Variants in CACNA1C observed in about 807,000 individuals in gnomAD.
CACNA1C encodes calcium voltage-gated channel subunit alpha1 C.
A neutral mutation model predicts 229.0 loss-of-function variants in CACNA1C; 30 were observed. The observed-to-expected ratio is 0.13, with a 90% confidence interval of 0.10 to 0.18. The LOEUF (loss-of-function observed/expected upper bound fraction) is 0.18, where lower values mean the gene tolerates loss of function less well. Among genes scored for constraint, CACNA1C ranks in the 10% least tolerant of loss-of-function variants. The pLI, the probability that CACNA1C is intolerant of heterozygous loss-of-function variation, is 1.00. For synonymous variants in CACNA1C, 1,114 were observed against 1,132.5 expected (o/e 0.98, Z 0.33); for missense variants, 1,658 against 2,845.0 (o/e 0.58, Z 9.49).
chr12:2,557,713 T>C (rs1243557398), intron 11 of CACNA1C, among the ~76,000 whole-genome samples: 1 of 152,196 alleles, frequency 6.6e-6, no homozygotes, highest in Non-Finnish European at 1.5e-5. Context: ...TTCTGCAAAC[T>C]CCAGGGAGAG....
chr12:2,651,461 G>A lies in CACNA1C; in HGVS notation c.3946-179G>A, dbSNP rs982793434. The A allele has an allele frequency of 1.0e-5, 8 of 781,112 alleles. No individual in the cohort carries two copies. Among genetic ancestry groups the A allele is most frequent in the Non-Finnish European group, 1.7e-5 (8 of 468,774 alleles). 48.4% of individuals were successfully genotyped at this position (781,112 alleles called of 1,614,324 possible). A position where few individuals can be genotyped will look rare whatever the true frequency, so the allele number is the denominator to read the frequency against. ...CTAGCTCTGCAGAGACCATGGGGCT[G>A]GGCTGTCCACTCATTAAAGTGGGCG... On this transcript the variant is annotated intron_variant, in intron 31 of 46. Coordinates refer to ENST00000399655, the MANE Select transcript of CACNA1C (RefSeq NM_000719.7). This position sits in a 1 kb window ranked among gnomAD's most constrained non-coding sequence, Gnocchi z 5.4.
intron 1 of CACNA1C, among the ~76,000 whole-genome samples, chr12:1,979,141 T>G (rs1243044558): frequency 6.6e-6 from 1 of 152,036 alleles, no homozygotes; most frequent in Non-Finnish European, 1.5e-5. Flanking sequence ...GGCTCCCAAG[T>G]GGCTGGGATT....
chr12:2,292,426 A>G (rs1198298634), intron 3 of CACNA1C, among the ~76,000 whole-genome samples: 1 of 152,194 alleles, frequency 6.6e-6, no homozygotes, highest in African/African-American at 2.4e-5. Flanking sequence ...AGGTATTTGG[A>G]GAAGGACACA....
At chr12:2,037,457 GC>G (rs1182937290) in intron 1 of CACNA1C, among the ~76,000 whole-genome samples, 1 of 152,148 alleles carries the variant, frequency 6.6e-6, no homozygotes. Context: ...GTATCTTCGG[GC>G]CCCACTTGGT....
chr12:2,240,048 A>G (rs894542088), intron 3 of CACNA1C, among the ~76,000 whole-genome samples: 3 of 152,262 alleles, frequency 2.0e-5, no homozygotes, highest in Non-Finnish European at 4.4e-5. Context: ...AATTGTATCA[A>G]TCAACAGTGA....
intron 30 of CACNA1C, among the ~76,000 whole-genome samples, chr12:2,636,460 G>A (rs879492421): frequency 3.3e-5 from 5 of 152,336 alleles, no homozygotes; most frequent in Admixed American, 6.5e-5. Flanking sequence ...GCCTGAACCC[G>A]TCCAGCAGCT....
At chr12:2,024,568 G>T (rs1406520041) in intron 1 of CACNA1C, among the ~76,000 whole-genome samples, 1 of 152,156 alleles carries the variant, frequency 6.6e-6, no homozygotes, top group Non-Finnish European at 1.5e-5. Context: ...GTCAAAGCCA[G>T]GTTGCACCCA....
chr12:2,674,503 G>A (rs765135975), intron 38 of CACNA1C, 38 bp from the exon 39 acceptor site: 1 of 1,545,690 alleles, frequency 6.5e-7, no homozygotes, highest in South Asian at 1.2e-5. Flanking sequence ...GCCCATCAGA[G>A]GCCCACCAAG....
At chr12:2,186,409 C>T (rs376314334) in intron 3 of CACNA1C, among the ~76,000 whole-genome samples, 26 of 152,266 alleles carry the variant, frequency 1.7e-4, no homozygotes, top group South Asian at 1.7e-3. Context: ...GAAGCGGCTG[C>T]GGGCCATGGG....
chr12:2,192,575 A>G (rs1006701573), intron 3 of CACNA1C, among the ~76,000 whole-genome samples: 2 of 152,236 alleles, frequency 1.3e-5, no homozygotes, highest in African/African-American at 2.4e-5. Flanking sequence ...GGTTTTAAGT[A>G]CTTTTTCCTT....
intron 3 of CACNA1C, among the ~76,000 whole-genome samples, chr12:2,445,297 G>A (rs1214280370): frequency 6.6e-6 from 1 of 152,172 alleles, no homozygotes; most frequent in East Asian, 1.9e-4. Context: ...TGTCCTAATT[G>A]TATTGGAATC....
rs1021123377 is a variant in CACNA1C, at chr12:2,286,595, C to A, written c.478-162381C>A. Among the ~76,000 whole-genome samples, 11 of 152,232 alleles carry A rather than the reference C, an allele frequency of 7.2e-5. No individual in the cohort carries two copies. In the South Asian group the frequency reaches 2.1e-3, roughly 29 times the overall value. On this transcript the variant is annotated intron_variant, in intron 3 of 46. Coordinates refer to ENST00000399655, the MANE Select transcript of CACNA1C (RefSeq NM_000719.7). ...CAGGTCTGTGAGGTTCATTCGGGGG[C>A]TCTTGTTGATCAAGTGTGGATGGTG...
At chr12:2,239,730 A>G (rs2069045817) in intron 3 of CACNA1C, among the ~76,000 whole-genome samples, 1 of 152,144 alleles carries the variant, frequency 6.6e-6, no homozygotes. Context: ...CTCCTGGGCC[A>G]TTTCCACAGA....
intron 3 of CACNA1C, among the ~76,000 whole-genome samples, chr12:2,324,017 T>G (rs2096159574): frequency 6.6e-6 from 1 of 152,214 alleles, no homozygotes; most frequent in Non-Finnish European, 1.5e-5. Context: ...GTTTATCTGG[T>G]GAGTCTGGCT....
chr12:2,345,061 G>A (rs1160463367), intron 3 of CACNA1C, among the ~76,000 whole-genome samples: 1 of 148,926 alleles, frequency 6.7e-6, no homozygotes, highest in African/African-American at 2.5e-5. Flanking sequence ...CTCTGGCCGT[G>A]AGCCCCATGT....
At position 2,651,803 on chromosome 12, in the gene CACNA1C, C is replaced by G; in HGVS notation, c.4074+35C>G. 6.5e-7 allele frequency: 1 copy of G among 1,548,674 alleles called. No homozygotes were observed. Among genetic ancestry groups the G allele is most frequent in the Non-Finnish European group, 8.8e-7 (1 of 1,138,028 alleles). The stretch of plus-strand genomic sequence containing the variant: ...CCTCATGTCCTGCGGCCCGGGGAAT[C>G]GCAGGGCTGCCGCGTGGCCCAGAAC... On this transcript the variant is annotated intron_variant, in intron 32 of 46. Coordinates refer to ENST00000399655, the MANE Select transcript of CACNA1C (RefSeq NM_000719.7). The surrounding 1 kb of genome is among the most constrained non-coding windows in gnomAD (Gnocchi z 5.4).
At chr12:2,578,597 C>A (rs188730598) in intron 13 of CACNA1C, among the ~76,000 whole-genome samples, 1 of 152,100 alleles carries the variant, frequency 6.6e-6, no homozygotes, top group Non-Finnish European at 1.5e-5. Flanking sequence ...AGTCAGGACT[C>A]ATTTTGAAGA....
intron 3 of CACNA1C, among the ~76,000 whole-genome samples, chr12:2,399,554 T>A (rs530882637): frequency 2.0e-5 from 3 of 152,328 alleles, no homozygotes; most frequent in African/African-American, 7.2e-5. Flanking sequence ...CTGACCATAG[T>A]CTCTGATGTC....
chr12:2,580,191 T>C (rs1256651493), intron 13 of CACNA1C, among the ~76,000 whole-genome samples: 1 of 152,204 alleles, frequency 6.6e-6, no homozygotes, highest in Non-Finnish European at 1.5e-5. Flanking sequence ...TAGATGTATA[T>C]TAATATTCTG....
Sources: gnomAD v4.1 joint callset for allele counts (sites outside exome capture counted in the v4.1 genomes callset) on GRCh38, gnomAD v4.1.1 for gene constraint, Gnocchi (gnomAD v3.1) non-coding constraint, MANE v1.5 for transcripts, NCBI Gene and HGNC (gene_info 2026-07-23, HGNC 2026-07-21) for gene names.